The following C6 variants were observed in gnomAD, a reference collection of about 807,000 sequenced individuals.
The protein encoded by C6 is complement component C6.
In C6, 101 loss-of-function variants were observed where a neutral mutation model predicts 112.9. That is an observed-to-expected ratio of 0.89 (90% CI 0.76 to 1.06). The LOEUF (loss-of-function observed/expected upper bound fraction) is 1.06. Among genes scored for constraint, C6 ranks in the 50% least tolerant of loss-of-function variants. The pLI, the probability that C6 is intolerant of heterozygous loss-of-function variation, is 0.00. For synonymous variants in C6, 431 were observed against 384.1 expected, an observed-to-expected ratio of 1.12 and a Z score of -1.43; for missense variants, 1,202 against 1,104.6, an observed-to-expected ratio of 1.09 and a Z score of -1.25.
intron 5 of C6, among the ~76,000 whole-genome samples, chr5:41,193,984 G>T (rs534740212): frequency 1.3e-3 from 205 of 152,168 alleles, no homozygotes; most frequent in African/African-American, 4.7e-3. Context: ...GAATCACTGG[G>T]ACAACAGCTC....
chr5:41,225,303 A>G (rs1739418426), intron 1 of C6, among the ~76,000 whole-genome samples: 1 of 115,818 alleles, frequency 8.6e-6, no homozygotes, highest in Non-Finnish European at 1.8e-5. Context: ...CCTATGAGTG[A>G]GAACATGCAG....
intron 1 of C6, among the ~76,000 whole-genome samples, chr5:41,238,831 T>G (rs371298589): frequency 3.3e-5 from 5 of 152,176 alleles, no homozygotes; most frequent in African/African-American, 1.2e-4. Flanking sequence ...TATTAGAATA[T>G]GGTGAATTAG....
At chr5:41,233,454 T>C (rs1480531501) in intron 1 of C6, among the ~76,000 whole-genome samples, 1 of 152,128 alleles carries the variant, frequency 6.6e-6, no homozygotes, top group East Asian at 1.9e-4. Flanking sequence ...TAATTCTTTT[T>C]CACTATAGAT....
intron 1 of C6, among the ~76,000 whole-genome samples, chr5:41,212,268 T>C (rs958947581): frequency 6.6e-6 from 1 of 152,074 alleles, no homozygotes; most frequent in African/African-American, 2.4e-5. Flanking sequence ...TTCAAGCAAT[T>C]CTCTGCCTCA....
intron 1 of C6, among the ~76,000 whole-genome samples, chr5:41,231,260 G>C (rs923930181): frequency 6.6e-6 from 1 of 151,962 alleles, no homozygotes; most frequent in Admixed American, 6.6e-5. Context: ...TTATTTTGTA[G>C]GGTTTTTTGT....
At chr5:41,149,641 G>A (rs1746190712) in intron 16 of C6, among the ~76,000 whole-genome samples, 159 bp from the exon 17 acceptor site, 1 of 152,152 alleles carries the variant, frequency 6.6e-6, no homozygotes, top group Non-Finnish European at 1.5e-5. Flanking sequence ...ACAGGAAAGT[G>A]TTGATATAAC....
intron 7 of C6, among the ~76,000 whole-genome samples, chr5:41,179,995 G>A (rs952525301): frequency 1.3e-5 from 2 of 152,034 alleles, no homozygotes; most frequent in African/African-American, 4.8e-5. Flanking sequence ...TTTGATAAAT[G>A]TTCGTTGAAT....
At chr5:41,176,408 G>A in intron 8 of C6, 67 bp downstream of exon 8, 5 of 1,492,714 alleles carry the variant, frequency 3.3e-6, no homozygotes, top group Non-Finnish European at 4.6e-6. Context: ...TAAAATGATA[G>A]AGTAAGAGAA....
rs1746234791 is a variant in C6 at position 41,150,030 on chromosome 5, A to C, written c.2291-5T>G. ...CTTTTAATTTTGTTAGAGTATCTGA[A>C]ACAAAAGAAAAAAGGAGAAAAGAAC... On this transcript the variant is annotated splice_polypyrimidine_tract_variant and splice_region_variant and intron_variant, in intron 15 of 17. Coordinates refer to ENST00000337836, the MANE Select transcript of C6 (RefSeq NM_000065.5). 5 of 1,591,250 alleles carry C rather than the reference A, an allele frequency of 3.1e-6. No homozygotes were observed. The highest frequency in any genetic ancestry group is 3.5e-6 in the Non-Finnish European group (4 of 1,159,372).
rs779591105 is a variant in C6, at chr5:41,161,846, C to T, written c.1305G>A (p.Gln435=). Residue 435 remains glutamine, a synonymous_variant, in exon 10 of 18, where the codon CAG becomes CAA. Transcript: ENST00000337836. The part of the protein sequence containing the change: ...LSEKHEGSFI[Q]GAEKSISLIR... ...TCAGGGATATGGATTTCTCTGCTCC[C>T]TGTATAAATGAACCTGCAAGGTGTT... The T allele has an allele frequency of 3.1e-6, 5 of 1,613,462 alleles. No homozygotes were observed. The South Asian group carries it at 5.5e-5, about 18-fold the overall frequency.
chr5:41,245,214 A>G (rs1326885567), intron 1 of C6, among the ~76,000 whole-genome samples: 1 of 152,186 alleles, frequency 6.6e-6, no homozygotes, highest in Non-Finnish European at 1.5e-5. Flanking sequence ...AGTTCATGTA[A>G]CATTGGCATT....
At chr5:41,200,899 T>TTG (rs1750979120) in intron 3 of C6, among the ~76,000 whole-genome samples, 1 of 142,696 alleles carries the variant, frequency 7.0e-6, no homozygotes, top group Non-Finnish European at 1.5e-5. Flanking sequence ...TTGTTTTTTT[T>TTG]TTTTTTTTTT....
chr5:41,227,513 C>T (rs1002302119), intron 1 of C6, among the ~76,000 whole-genome samples: 1 of 151,856 alleles, frequency 6.6e-6, no homozygotes, highest in Non-Finnish European at 1.5e-5. Context: ...GGGGTCACAT[C>T]CAAAAAAATC....
chr5:41,208,410 CA>C (rs1718103226), intron 1 of C6, among the ~76,000 whole-genome samples: 1 of 152,072 alleles, frequency 6.6e-6, no homozygotes, highest in Admixed American at 6.5e-5. Flanking sequence ...AAAAACCCTT[CA>C]AAAAATAAAT....
intron 17 of C6, among the ~76,000 whole-genome samples, chr5:41,148,957 C>T (rs1746109531): frequency 6.6e-6 from 1 of 152,150 alleles, no homozygotes; most frequent in African/African-American, 2.4e-5. Context: ...ATGCCTGAAA[C>T]ACGAGATCGG....
intron 1 of C6, among the ~76,000 whole-genome samples, chr5:41,245,147 T>A (rs1472429201): frequency 1.3e-5 from 2 of 152,238 alleles, no homozygotes; most frequent in African/African-American, 2.4e-5. Flanking sequence ...ATCACAGTAA[T>A]GCTGATCACA....
chr5:41,242,938 C>T (rs1271408789), intron 1 of C6, among the ~76,000 whole-genome samples: 1 of 150,720 alleles, frequency 6.6e-6, no homozygotes, highest in African/African-American at 2.4e-5. Context: ...ACATGTGGAA[C>T]CTAAAACAAT....
intron 11 of C6, 145 bp from the exon 12 acceptor site, chr5:41,159,398 T>C: frequency 2.8e-6 from 4 of 1,442,416 alleles, no homozygotes; most frequent in Non-Finnish European, 3.7e-6. Context: ...TTAAAAGAAA[T>C]TACCTGTGCA....
At chr5:41,144,511 C>T (rs1166880109) in intron 17 of C6, among the ~76,000 whole-genome samples, 2 of 152,290 alleles carry the variant, frequency 1.3e-5, no homozygotes, top group South Asian at 4.1e-4. Flanking sequence ...AACTGATCCT[C>T]CTGCCTTGGT....
Sources: allele counts gnomAD v4.1 joint callset (sites outside exome capture counted in the v4.1 genomes callset), GRCh38; gene constraint gnomAD v4.1.1; transcripts MANE v1.5; gene names NCBI Gene and HGNC (gene_info 2026-07-23, HGNC 2026-07-21).